The following ZNF641 variants were observed in gnomAD, a reference collection of about 807,000 sequenced individuals.
ZNF641 encodes the protein zinc finger protein 641.
Under a neutral mutation model 46.2 loss-of-function variants are expected in ZNF641, and 26 were observed. The observed-to-expected ratio is 0.56, with a 90% CI of 0.41 to 0.78. The LOEUF is 0.78. Ranked by LOEUF, ZNF641 falls within the 30% of genes least tolerant of loss-of-function variation. ZNF641 has a pLI of 0.00. For missense variants in ZNF641, 469 were observed against 517.8 expected (o/e 0.91, Z 0.91); for synonymous variants, 163 against 187.9 (o/e 0.87, Z 1.09).
rs1952624511 is a variant in ZNF641 at position 48,337,593 on chromosome 12, G to A, written c.*5380C>T. The A allele has an allele frequency of 6.6e-6, 1 of 151,832 alleles. No homozygotes were observed. Among genetic ancestry groups the A allele is most frequent in the South Asian group, 2.1e-4 (1 of 4,808 alleles). 9.4% of individuals were successfully genotyped at this position (151,832 alleles called of 1,614,324 possible). Reference sequence around the variant, plus strand: ...CCCAGCACTTTGGGAGGCCAAGGTGGGTGGATCACGAGGTCAAGAGATTGA... The same window carrying A: ...CCCAGCACTTTGGGAGGCCAAGGTGAGTGGATCACGAGGTCAAGAGATTGA... On this transcript the variant is annotated 3_prime_UTR_variant, in exon 6 of 6. Coordinates refer to ENST00000547026, the MANE Select transcript of ZNF641 (RefSeq NM_001172681.2).
At chr12:48,346,120 G>T (rs1952864707) in intron 3 of ZNF641, among the ~76,000 whole-genome samples, 1 of 152,062 alleles carries the variant, frequency 6.6e-6, no homozygotes, top group South Asian at 2.1e-4. Context: ...TGGCCAGGCT[G>T]GTCTCGAACT....
rs185278800 is a variant in ZNF641, at chr12:48,340,269, G to A, written c.*2704C>T. The A allele has an allele frequency of 2.4e-4, 238 of 985,374 alleles. No individual in the cohort carries two copies. In the African/African-American group the frequency reaches 3.6e-3, roughly 15 times the overall value. 61.0% of individuals were successfully genotyped at this position (985,374 alleles called of 1,614,324 possible). On this transcript the variant is annotated 3_prime_UTR_variant, in exon 6 of 6. Transcript: ENST00000547026. ...AGACTCCATGATGCCTTTCAGCTGG[G>A]TGCTATACTTGCACCTAACTCTGGG... is the stretch of plus-strand genomic sequence containing the variant.
intron 1 of ZNF641, among the ~76,000 whole-genome samples, chr12:48,349,662 A>C (rs1260846948): frequency 6.6e-6 from 1 of 152,216 alleles, no homozygotes; most frequent in African/African-American, 2.4e-5. Context: ...ACTGATTCCC[A>C]GCCTAGGAGG....
intron 3 of ZNF641, among the ~76,000 whole-genome samples, chr12:48,345,681 A>C (rs9668553): frequency 0.038 from 5,824 of 152,224 alleles, 402 homozygotes; most frequent in African/African-American, 0.13. Context: ...GAGTGAGTGT[A>C]ATGTTACTGG....
chr12:48,349,996 A>G (rs754410476), intron 1 of ZNF641: 3 of 1,611,378 alleles, frequency 1.9e-6, no homozygotes, highest in Non-Finnish European at 8.5e-7. Flanking sequence ...CCACTGACAG[A>G]AATCCGTGGA....
At position 48,342,837 on chromosome 12, in the gene ZNF641, T is replaced by C; in HGVS notation, c.*136A>G. 1 of 1,447,820 alleles carries C rather than the reference T, an allele frequency of 6.9e-7. No individual in the cohort carries two copies. The highest frequency in any genetic ancestry group is 9.0e-7 in the Non-Finnish European group (1 of 1,105,922). 89.7% of individuals were successfully genotyped at this position (1,447,820 alleles called of 1,614,324 possible). A position where few individuals can be genotyped will look rare whatever the true frequency, so the allele number is the denominator to read the frequency against. On this transcript the variant is annotated 3_prime_UTR_variant, in exon 6 of 6. Coordinates refer to ENST00000547026, the MANE Select transcript of ZNF641 (RefSeq NM_001172681.2). ...TGGTGAGAAATGCTCTGGCCATTGC[T>C]GGGACCTCATCTTTCTAGGGATGGG...
At chr12:48,344,820 AAAG>A (rs770869695) in intron 4 of ZNF641, 108 bp from the exon 5 acceptor site, 1 of 674,718 alleles carries the variant, frequency 1.5e-6, no homozygotes, top group Non-Finnish European at 2.5e-6. Flanking sequence ...ACTCTAGACA[AAAG>A]AAGGTCAAGA....
rs1447712934 is a variant in ZNF641, at chr12:48,342,995, T to G, written c.1253A>C (p.Asp418Ala). 1 of 1,613,546 alleles carries G rather than the reference T, an allele frequency of 6.2e-7. No homozygotes were observed. The highest frequency in any genetic ancestry group is 8.5e-7 in the Non-Finnish European group (1 of 1,179,706). ...ATTTCAAAAGACAGATGTTCCTCTG[T>G]CCCAGCTGTTCCGGGGACTTTGTCC... ...HQGQSPRNSW[D>A]RGTSVF The change falls in exon 6 of 6, where the codon GAC (aspartate) becomes GCC (alanine). Residue 418 changes from aspartate to alanine, a missense_variant. Physicochemically the swap from Asp to Ala is moderately radical, Grantham distance 126. This residue lies in a region of ZNF641 where 346 missense variants were observed against 354.0 expected (regional missense o/e 0.98). Transcript: ENST00000547026.
intron 1 of ZNF641, among the ~76,000 whole-genome samples, chr12:48,348,526 T>C (rs1351843477): frequency 6.6e-6 from 1 of 151,840 alleles, no homozygotes; most frequent in Non-Finnish European, 1.5e-5. Flanking sequence ...CTCAACAAGA[T>C]GGATGTAATC....
Position 48,342,160 on chromosome 12 carries a change from G to T in ZNF641, c.*813C>A. The stretch of plus-strand genomic sequence containing the variant: ...CTGTGTGGGCCAGGGCTATTTGGGG[G>T]TATTAGATCATCTCTTAGCCTTGTA... On this transcript the variant is annotated 3_prime_UTR_variant, in exon 6 of 6. Coordinates refer to ENST00000547026, the MANE Select transcript of ZNF641 (RefSeq NM_001172681.2). The T allele has an allele frequency of 1.0e-6, 1 of 985,462 alleles. No homozygotes were observed. The highest frequency in any genetic ancestry group is 1.2e-6 in the Non-Finnish European group (1 of 829,982). 61.0% of individuals were successfully genotyped at this position (985,462 alleles called of 1,614,324 possible).
intron 4 of ZNF641, 113 bp from the exon 5 acceptor site, chr12:48,344,825 A>C (rs1481988297): frequency 1.5e-6 from 1 of 653,100 alleles, no homozygotes; most frequent in East Asian, 2.8e-5. Context: ...AGACAAAAGA[A>C]GGTCAAGAAA....
intron 1 of ZNF641, 93 bp downstream of exon 1, chr12:48,350,693 G>T (rs904269212): frequency 1.7e-5 from 6 of 358,274 alleles, no homozygotes; most frequent in Admixed American, 6.4e-5. Flanking sequence ...CCTCCTCCCA[G>T]CCCCTATGGG....
intron 3 of ZNF641, among the ~76,000 whole-genome samples, chr12:48,346,943 G>A (rs1313709690): frequency 6.6e-6 from 1 of 152,160 alleles, no homozygotes; most frequent in African/African-American, 2.4e-5. Context: ...CCCAGAAGGT[G>A]GAGGTTGCAG....
Position 48,348,101 on chromosome 12 carries a change from G to GC in ZNF641, c.-12_-11insG, listed in dbSNP as rs757342623. On this transcript the variant is annotated 5_prime_UTR_variant, in exon 2 of 6. Coordinates refer to ENST00000547026, the MANE Select transcript of ZNF641 (RefSeq NM_001172681.2). ...CTGTTCTGAAAGCATTTCTGCTGCA[G>GC]ACCCAAATTGTGACCTGGAACAAAT... The GC allele has an allele frequency of 1.2e-6, 2 of 1,614,120 alleles. No homozygotes were observed. The highest frequency in any genetic ancestry group is 2.2e-5 in the South Asian group (2 of 91,078).
At chr12:48,344,082 T>C (rs953912575) in intron 5 of ZNF641, among the ~76,000 whole-genome samples, 2 of 152,224 alleles carry the variant, frequency 1.3e-5, no homozygotes, top group African/African-American at 4.8e-5. Context: ...TTATTGTTAT[T>C]ATTTATTACC....
At chr12:48,336,954 T>C (rs978673913), downstream of ZNF641, among the ~76,000 whole-genome samples, 32 of 152,246 alleles carry the variant, frequency 2.1e-4, no homozygotes, top group African/African-American at 6.7e-4. Context: ...CCAGGTTGGA[T>C]TGAGTGTCTG....
In ZNF641 at chr12:48,347,261, A is replaced by G. The variant is rs775238701; in HGVS notation, c.267T>C (p.Ala89=). The G allele has an allele frequency of 6.2e-7, 1 of 1,613,982 alleles. No individual in the cohort carries two copies. Among genetic ancestry groups the G allele is most frequent in the Non-Finnish European group, 8.5e-7 (1 of 1,179,870 alleles). Residue 89 remains alanine, a synonymous_variant, in exon 3 of 6, where the codon GCT becomes GCC. Coordinates refer to ENST00000547026, the MANE Select transcript of ZNF641 (RefSeq NM_001172681.2). The part of the protein sequence containing the change: ...DWEMAAALLA[A]GSQGLVTIKD... ...GGGAAGCAGAGCTCACCTGTGATCC[A>G]GCCGCAAGAAGTGCAGCTGCCATCT...
At position 48,341,845 on chromosome 12, in the gene ZNF641, C is replaced by G. The variant is rs1460751424; in HGVS notation, c.*1128G>C. On this transcript the variant is annotated 3_prime_UTR_variant, in exon 6 of 6. Coordinates refer to ENST00000547026, the MANE Select transcript of ZNF641 (RefSeq NM_001172681.2). ...CATACACATCCACAATTGTCTTAAT[C>G]TCAGCAGTACTGGGAAAGCTTTGTA... The G allele has an allele frequency of 5.1e-6, 5 of 985,342 alleles. No homozygotes were observed. The highest frequency in any genetic ancestry group is 6.0e-6 in the Non-Finnish European group (5 of 829,942). 61.0% of individuals were successfully genotyped at this position (985,342 alleles called of 1,614,324 possible).
At position 48,343,223 on chromosome 12, in the gene ZNF641, C is replaced by G; in HGVS notation, c.1025G>C (p.Ser342Thr). The change falls in exon 6 of 6, where the codon AGC becomes ACC. Residue 342 changes from serine to threonine, a missense_variant. Transcript: ENST00000547026. ...ACGCTGCCGTTTCCTTGTGCCAGGGCTCTCTCCAACCTCTTGGCCTTTGCA... is the reference window on the plus strand; with the variant it reads ...ACGCTGCCGTTTCCTTGTGCCAGGGGTCTCTCCAACCTCTTGGCCTTTGCA... The part of the protein sequence containing the change: ...KSCKGQEVGE[S>T]PGTRKRQRAP... The G allele has an allele frequency of 6.2e-7, 1 of 1,614,234 alleles. No individual in the cohort carries two copies. The highest frequency in any genetic ancestry group is 8.5e-7 in the Non-Finnish European group (1 of 1,180,032).
Sources: gnomAD v4.1 joint callset for allele counts (sites outside exome capture counted in the v4.1 genomes callset) on GRCh38, gnomAD v4.1.1 for gene constraint, gnomAD v4.1.1 regional missense constraint, MANE v1.5 for transcripts, NCBI Gene and HGNC (gene_info 2026-07-23, HGNC 2026-07-21) for gene names.